The following LAMA3 variants were observed in gnomAD, a reference collection of about 807,000 sequenced individuals.
The protein encoded by LAMA3 is laminin subunit alpha 3, also known as laminin subunit alpha-3.
A neutral mutation model predicts 402.0 loss-of-function variants in LAMA3; 281 were observed. That is an observed-to-expected ratio of 0.70 (90% CI 0.63 to 0.77). The LOEUF is 0.77. Ranked by LOEUF, LAMA3 falls within the 30% of genes least tolerant of loss-of-function variation. The probability of loss-of-function intolerance (pLI) is 0.00; values close to 1 mark genes in which losing one functional copy is unlikely to be tolerated. For missense variants in LAMA3, 3,840 were observed against 4,215.5 expected, an observed-to-expected ratio of 0.91 and a Z score of 2.47; for synonymous variants, 1,431 against 1,558.4, an observed-to-expected ratio of 0.92 and a Z score of 1.93.
intron 6 of LAMA3, among the ~76,000 whole-genome samples, chr18:23,755,442 C>T (rs2061826172): frequency 6.6e-6 from 1 of 152,166 alleles, no homozygotes; most frequent in Non-Finnish European, 1.5e-5. Flanking sequence ...TGCTTCTGCC[C>T]AACAGGCTGA....
intron 32 of LAMA3, among the ~76,000 whole-genome samples, chr18:23,849,951 A>G (rs1008570362): frequency 1.3e-5 from 2 of 152,154 alleles, no homozygotes; most frequent in African/African-American, 2.4e-5. Flanking sequence ...AAATTGCACA[A>G]ATTGCCCATG....
chr18:23,712,160 C>T (rs1019901837), intron 1 of LAMA3, among the ~76,000 whole-genome samples: 2 of 152,098 alleles, frequency 1.3e-5, no homozygotes, highest in African/African-American at 2.4e-5. Context: ...GCAGGCGGAT[C>T]ACCTGAGGTC....
rs1292638949 is a variant in LAMA3 at position 23,912,817 on chromosome 18, G to A, written c.7265G>A (p.Arg2422Lys). 1.2e-6 allele frequency: 2 copies of A among 1,614,068 alleles called. No individual in the cohort carries two copies. Among genetic ancestry groups the A allele is most frequent in the Non-Finnish European group, 1.7e-6 (2 of 1,179,918 alleles). ...GYTSLSLFLQRPNSRENGGTE... is the reference protein window; with the variant it reads ...GYTSLSLFLQKPNSRENGGTE... ...ACATCTCTGTCCTTGTTTCTCCAAAGGCCCAACTCAAGAGAAAATGGGGGT... is the reference window on the plus strand; with the variant it reads ...ACATCTCTGTCCTTGTTTCTCCAAAAGCCCAACTCAAGAGAAAATGGGGGT... The change falls in exon 56 of 75, where the codon AGG becomes AAG. Residue 2422 changes from arginine (R) to lysine (K), a missense_variant. Physicochemically the swap from Arg to Lys is conservative, Grantham distance 26. Coordinates refer to ENST00000313654, the MANE Select transcript of LAMA3 (RefSeq NM_198129.4).
At chr18:23,812,260 T>G (rs967316404) in intron 13 of LAMA3, among the ~76,000 whole-genome samples, 1 of 152,150 alleles carries the variant, frequency 6.6e-6, no homozygotes, top group African/African-American at 2.4e-5. Flanking sequence ...GAGGATCACT[T>G]GAGCCCAGGC....
chr18:23,866,928 A>G (rs1227562307), intron 36 of LAMA3, among the ~76,000 whole-genome samples: 1 of 152,204 alleles, frequency 6.6e-6, no homozygotes, highest in African/African-American at 2.4e-5. Flanking sequence ...AAGCTGGGAC[A>G]TGTGTGTGTT....
rs34079963 is a variant in LAMA3, at chr18:23,892,903, C to CAA, written c.5411-1377_5411-1376dup. Among the ~76,000 whole-genome samples the CAA allele has an allele frequency of 8.9e-3, 613 of 69,252 alleles. 8 individuals carry two copies. Among genetic ancestry groups the CAA allele is most frequent in the African/African-American group, 0.021 (486 of 22,836 alleles). The allele number at this position is 69,252 out of a possible 152,430, so 45.4% of individuals were successfully genotyped here. A position where few individuals can be genotyped will look rare whatever the true frequency, so the allele number is the denominator to read the frequency against. On this transcript the variant is annotated intron_variant, in intron 42 of 74. Transcript: ENST00000313654. ...GGGTGACAAGAGCGAAACTCTGTCT[C>CAA]AAAAAAAAAAAAAAAAAAAGCAAGT...
Position 23,903,067 on chromosome 18 carries a change from C to A in LAMA3, c.6260C>A (p.Ala2087Glu). The A allele has an allele frequency of 6.2e-7, 1 of 1,613,280 alleles. No individual in the cohort carries two copies. Among genetic ancestry groups the A allele is most frequent in the African/African-American group, 1.3e-5 (1 of 75,030 alleles). Reference protein sequence around the residue: ...QSDFTKYLTTADSSLLQTNIA... With the variant: ...QSDFTKYLTTEDSSLLQTNIA... ...GATTTCACCAAGTATCTAACCACTG[C>A]AGACTCATCTTTGTTGCAAACCAAC... The change falls in exon 49 of 75, where the codon GCA (alanine) becomes GAA (glutamate). Residue 2087 changes from alanine (A) to glutamate (E), a missense_variant. Ala to Glu is a moderately radical substitution (Grantham distance 107). Coordinates refer to ENST00000313654, the MANE Select transcript of LAMA3 (RefSeq NM_198129.4).
chr18:23,866,410 G>C (rs1018294712), intron 36 of LAMA3, among the ~76,000 whole-genome samples: 10 of 152,342 alleles, frequency 6.6e-5, no homozygotes, highest in Non-Finnish European at 1.5e-4. Context: ...GTAGATATTT[G>C]TGTTCAGGCA....
intron 47 of LAMA3, among the ~76,000 whole-genome samples, chr18:23,900,064 T>G (rs538813195): frequency 4.4e-5 from 2 of 45,944 alleles, no homozygotes; most frequent in Admixed American, 1.7e-4. Context: ...ACTTTGTGTG[T>G]GTGTGCGTGT....
intron 8 of LAMA3, among the ~76,000 whole-genome samples, chr18:23,766,022 A>C (rs188135590): frequency 2.0e-3 from 304 of 152,274 alleles, no homozygotes; most frequent in African/African-American, 7.0e-3. Context: ...GAAGCAGAGA[A>C]GAGACAATGA....
In LAMA3 at chr18:23,894,957, G is replaced by C; in HGVS notation, c.5512G>C (p.Glu1838Gln). 1 of 1,614,140 alleles carries C rather than the reference G, an allele frequency of 6.2e-7. No individual in the cohort carries two copies. ...CCTGAACGACCTGGCCACCATGGGC[G>C]AGCAGCTCCGCCTGGTCAAGTCTCA... ...TLLNDLATMG[E>Q]QLRLVKSQLQ... is the part of the protein sequence containing the mutation. Residue 1838 changes from glutamate (E) to glutamine (Q), a missense_variant, in exon 44 of 75, where the codon GAG (glutamate) becomes CAG (glutamine). This residue lies in a region of LAMA3 where 891 missense variants were observed against 857.5 expected (regional missense o/e 1.04). Transcript: ENST00000313654.
chr18:23,728,289 T>TGGG (rs1300400487), intron 2 of LAMA3, among the ~76,000 whole-genome samples: 1 of 152,108 alleles, frequency 6.6e-6, no homozygotes, highest in East Asian at 1.9e-4. Flanking sequence ...AGCAACAGGC[T>TGGG]GGGGGGAGGT....
At chr18:23,778,558 T>C (rs1159142195) in intron 11 of LAMA3, among the ~76,000 whole-genome samples, 2 of 152,122 alleles carry the variant, frequency 1.3e-5, no homozygotes, top group Non-Finnish European at 2.9e-5. Context: ...GGGGAGTTTC[T>C]TACATAAACC....
At chr18:23,884,281 C>T (rs570597405) in intron 40 of LAMA3, among the ~76,000 whole-genome samples, 68 of 152,260 alleles carry the variant, frequency 4.5e-4, no homozygotes, top group African/African-American at 1.3e-3. Context: ...GGCGAGTGGT[C>T]TCTGTGCATC....
intron 23 of LAMA3, among the ~76,000 whole-genome samples, chr18:23,828,324 T>A (rs1446054401): frequency 6.6e-6 from 1 of 152,334 alleles, no homozygotes; most frequent in South Asian, 2.1e-4. Context: ...TTTAAGTATA[T>A]TTCTTAAGTA....
chr18:23,810,754 A>G (rs1473067062), intron 13 of LAMA3, among the ~76,000 whole-genome samples: 2 of 152,134 alleles, frequency 1.3e-5, no homozygotes, highest in African/African-American at 4.8e-5. Flanking sequence ...TCCATGTGCT[A>G]TACATGTGGG....
In LAMA3 at chr18:23,819,876, A is replaced by G. The variant is rs201371478; in HGVS notation, c.2183A>G (p.His728Arg). The G allele has an allele frequency of 1.1e-5, 17 of 1,614,154 alleles. No individual in the cohort carries two copies. The South Asian group carries it at 1.2e-4, about 11-fold the overall frequency. ...AACTACTATTTCCCAGATTTGCATC[A>G]TATGAAGTATGAGATTGAAGACGGC... ...ENNYYFPDLH[H>R]MKYEIEDGST... is the part of the protein sequence containing the mutation. Residue 728 changes from histidine to arginine, a missense_variant, in exon 19 of 75, where the codon CAT becomes CGT. Coordinates refer to ENST00000313654, the MANE Select transcript of LAMA3 (RefSeq NM_198129.4).
intron 12 of LAMA3, among the ~76,000 whole-genome samples, chr18:23,799,305 G>T (rs1169328238): frequency 1.3e-5 from 2 of 152,226 alleles, no homozygotes; most frequent in Non-Finnish European, 1.5e-5. Flanking sequence ...AAAAGAAAGA[G>T]CAGAATTGAA....
chr18:23,779,540 T>C (rs1242625222), intron 11 of LAMA3, among the ~76,000 whole-genome samples: 1 of 151,974 alleles, frequency 6.6e-6, no homozygotes, highest in Non-Finnish European at 1.5e-5. Context: ...AAGAAGTTGC[T>C]CTTTGTTGAG....
Sources: gnomAD v4.1 joint callset for allele counts (sites outside exome capture counted in the v4.1 genomes callset) on GRCh38, gnomAD v4.1.1 for gene constraint, gnomAD v4.1.1 regional missense constraint, MANE v1.5 for transcripts, NCBI Gene and HGNC (gene_info 2026-07-23, HGNC 2026-07-21) for gene names.